Variants in CDKL5 observed in about 807,000 individuals in gnomAD.
CDKL5 encodes the protein cyclin dependent kinase like 5, also known as cyclin-dependent kinase-like 5.
Under a neutral mutation model 61.7 loss-of-function variants are expected in CDKL5, and 8 were observed. The observed-to-expected ratio is 0.13, with a 90% CI of 0.08 to 0.23. The LOEUF is 0.23. CDKL5 is among the 10% of genes least tolerant of loss of function. The pLI, the probability that CDKL5 is intolerant of heterozygous loss-of-function variation, is 1.00. For synonymous variants in CDKL5, 275 were observed against 272.3 expected, an observed-to-expected ratio of 1.01 and a Z score of -0.10; for missense variants, 440 against 734.5, an observed-to-expected ratio of 0.60 and a Z score of 4.63.
intron 2 of CDKL5, among the ~76,000 whole-genome samples, chrX:18,509,197 G>GCACGCACACACA (rs1204561636): frequency 4.2e-4 from 27 of 64,308 alleles, no homozygotes; most frequent in Non-Finnish European, 6.7e-4. Context: ...CTCAAAACAC[G>GCACGCACACACA]CACACACACA....
intron 3 of CDKL5, among the ~76,000 whole-genome samples, chrX:18,557,287 A>G (rs975287672): frequency 8.9e-6 from 1 of 112,309 alleles, no homozygotes; most frequent in Non-Finnish European, 1.9e-5. Flanking sequence ...CAGTATTACA[A>G]CTATTTATTT....
intron 1 of CDKL5, among the ~76,000 whole-genome samples, chrX:18,490,224 G>A: frequency 9.0e-6 from 1 of 111,004 alleles, no homozygotes; most frequent in East Asian, 2.8e-4. Context: ...CTTGAGTTCT[G>A]TGAGTCACGC....
chrX:18,513,539 C>T (rs1004745890), intron 3 of CDKL5, among the ~76,000 whole-genome samples: 3 of 111,352 alleles, frequency 2.7e-5, no homozygotes, highest in African/African-American at 9.8e-5. Flanking sequence ...ACATCTAAAA[C>T]ATTTCTCTCT....
chrX:18,617,508 AT>A (rs1349322227), intron 15 of CDKL5, among the ~76,000 whole-genome samples: 1 of 112,315 alleles, frequency 8.9e-6, no homozygotes, highest in East Asian at 2.8e-4. Context: ...CCAGCTGTCA[AT>A]GTATAACTCA....
intron 14 of CDKL5, among the ~76,000 whole-genome samples, chrX:18,609,953 C>T (rs189804460): frequency 9.8e-5 from 11 of 112,154 alleles, no homozygotes; most frequent in Non-Finnish European, 1.9e-4. Flanking sequence ...TTCACCATCA[C>T]GGAACTCACT....
intron 1 of CDKL5, chrX:18,497,482 G>C (rs767849501): frequency 9.0e-6 from 1 of 111,403 alleles, no homozygotes; most frequent in Non-Finnish European, 1.9e-5. Flanking sequence ...TTGAACTTCC[G>C]AGAGAGAGAA....
chrX:18,483,131 T>C (rs1323263615), intron 1 of CDKL5, among the ~76,000 whole-genome samples: 1 of 111,715 alleles, frequency 9.0e-6, no homozygotes, highest in Non-Finnish European at 1.9e-5. Context: ...CATCATCTAT[T>C]GTGTTTCATT....
Position 18,632,967 on chromosome X carries a change from A to G in CDKL5, c.*4210A>G. On this transcript the variant is annotated 3_prime_UTR_variant, in exon 18 of 18. Coordinates refer to ENST00000623535, the MANE Select transcript of CDKL5 (RefSeq NM_001323289.2). The stretch of plus-strand genomic sequence containing the variant: ...TCAAAGGCCAGAGGATTACTTTGCA[A>G]GTGTGTAGAAAGATCTGTCTATTTC... The G allele has an allele frequency of 2.7e-6, 2 of 754,450 alleles. No individual in the cohort carries two copies. Among genetic ancestry groups the G allele is most frequent in the South Asian group, 1.3e-4 (2 of 14,852 alleles). 62.2% of individuals were successfully genotyped at this position (754,450 alleles called of 1,213,427 possible). A position where few individuals can be genotyped will look rare whatever the true frequency, so the allele number is the denominator to read the frequency against.
intron 2 of CDKL5, among the ~76,000 whole-genome samples, chrX:18,508,945 T>C (rs1044107811): frequency 9.1e-6 from 1 of 109,356 alleles, no homozygotes; most frequent in Non-Finnish European, 1.9e-5. Context: ...ATACAAAAAT[T>C]AGCTGGGTGT....
chrX:18,647,645 C>G (rs995827121), intron 20 of CDKL5: 3 of 301,569 alleles, frequency 9.9e-6, no homozygotes, highest in Non-Finnish European at 1.8e-5. Context: ...CCTCCACCAA[C>G]TTAGAGATCT....
At chrX:18,587,649 G>A (rs1925683588) in intron 8 of CDKL5, 1 of 246,959 alleles carries the variant, frequency 4.0e-6, no homozygotes, top group Non-Finnish European at 7.2e-6. Context: ...GGTGTTACTT[G>A]CCAGATATGT....
At chrX:18,503,933 G>A (rs1237627208) in intron 1 of CDKL5, among the ~76,000 whole-genome samples, 1 of 111,071 alleles carries the variant, frequency 9.0e-6, no homozygotes, top group Non-Finnish European at 1.9e-5. Flanking sequence ...TCTAGAGAAA[G>A]GGTTTCACCA....
intron 21 of CDKL5, chrX:18,653,301 T>G (rs1349094470): frequency 8.8e-7 from 1 of 1,130,635 alleles, no homozygotes; most frequent in Non-Finnish European, 1.2e-6. Context: ...TTAATAGCAT[T>G]AAAGTGAAGA....
chrX:18,632,765 C>A lies in CDKL5; in HGVS notation c.*4008C>A. 1 of 754,009 alleles carries A rather than the reference C, an allele frequency of 1.3e-6. No individual in the cohort carries two copies. The highest frequency in any genetic ancestry group is 1.6e-6 in the Non-Finnish European group (1 of 638,878). 62.1% of individuals were successfully genotyped at this position (754,009 alleles called of 1,213,427 possible). On this transcript the variant is annotated 3_prime_UTR_variant, in exon 18 of 18. Transcript: ENST00000623535. The stretch of plus-strand genomic sequence containing the variant: ...TTAGCCAGTTTAGCATGTTCCTAAT[C>A]TGAGAATTAGTGGACTATACTAGGA...
intron 3 of CDKL5, among the ~76,000 whole-genome samples, chrX:18,525,378 C>T (rs190200114): frequency 3.7e-4 from 41 of 111,933 alleles, no homozygotes; most frequent in African/African-American, 1.2e-3. Flanking sequence ...GGACTACAGG[C>T]GTGAGCCACC....
At chrX:18,456,209 T>A (rs1430480764) in intron 1 of CDKL5, among the ~76,000 whole-genome samples, 6 of 110,215 alleles carry the variant, frequency 5.4e-5, no homozygotes, top group African/African-American at 2.0e-4. Flanking sequence ...CCAGCTAATT[T>A]TTGTATTTTT....
Position 18,637,814 on chromosome X carries a change from C to T in CDKL5, c.*9057C>T, listed in dbSNP as rs1187055321. ...TTATAACATTATTGCTATTGTAAAA[C>T]ATTGCTATTACTTCTGTCCCAATTT... is the stretch of plus-strand genomic sequence containing the variant. On this transcript the variant is annotated 3_prime_UTR_variant, in exon 18 of 18. Coordinates refer to ENST00000623535, the MANE Select transcript of CDKL5 (RefSeq NM_001323289.2). 8.9e-6 allele frequency: 1 copy of T among 112,051 alleles called. No individual in the cohort carries two copies. Among genetic ancestry groups the T allele is most frequent in the African/African-American group, 3.2e-5 (1 of 30,855 alleles). 9.2% of individuals were successfully genotyped at this position (112,051 alleles called of 1,213,427 possible). A position where few individuals can be genotyped will look rare whatever the true frequency, so the allele number is the denominator to read the frequency against.
chrX:18,522,641 C>T (rs1194747321), intron 3 of CDKL5, among the ~76,000 whole-genome samples: 2 of 109,085 alleles, frequency 1.8e-5, no homozygotes, highest in Non-Finnish European at 3.8e-5. Context: ...CACCGCACCT[C>T]GCTGCTATTT....
intron 3 of CDKL5, among the ~76,000 whole-genome samples, chrX:18,514,852 G>A (rs1334259223): frequency 9.0e-6 from 1 of 110,796 alleles, no homozygotes. Flanking sequence ...AGGCTGGAAC[G>A]CAGTGATGTG....
Sources: gnomAD v4.1 joint callset for allele counts (sites outside exome capture counted in the v4.1 genomes callset) on GRCh38, gnomAD v4.1.1 for gene constraint, MANE v1.5 for transcripts, NCBI Gene and HGNC (gene_info 2026-07-23, HGNC 2026-07-21) for gene names.